Variants in KDM4C observed in about 807,000 individuals in gnomAD.
KDM4C encodes the protein lysine-specific demethylase 4C.
A neutral mutation model predicts 129.3 loss-of-function variants in KDM4C; 81 were observed. The observed-to-expected ratio is 0.63, with a 90% CI of 0.52 to 0.75. The LOEUF is 0.75. KDM4C is among the 30% of genes least tolerant of loss of function. KDM4C has a pLI of 0.00. For synonymous variants in KDM4C, 573 were observed against 456.1 expected, an observed-to-expected ratio of 1.26 and a Z score of -3.26; for missense variants, 1,457 against 1,304.0, an observed-to-expected ratio of 1.12 and a Z score of -1.81.
At chr9:6,909,517 G>T (rs933824767) in intron 8 of KDM4C, among the ~76,000 whole-genome samples, 2 of 152,084 alleles carry the variant, frequency 1.3e-5, no homozygotes, top group Non-Finnish European at 2.9e-5. Context: ...TCACCAGAAG[G>T]GTAGGTGGGT....
At chr9:6,973,161 A>G (rs1318969763) in intron 8 of KDM4C, among the ~76,000 whole-genome samples, 2 of 152,210 alleles carry the variant, frequency 1.3e-5, no homozygotes, top group African/African-American at 4.8e-5. Flanking sequence ...TTTTATTTCA[A>G]AAACATGAGT....
intron 4 of KDM4C, among the ~76,000 whole-genome samples, chr9:6,829,251 C>A (rs966461869): frequency 2.6e-5 from 4 of 152,194 alleles, no homozygotes; most frequent in African/African-American, 9.7e-5. Context: ...CAAGACTGTA[C>A]TGAGAATCCA....
chr9:6,952,843 C>T (rs1027617152), intron 8 of KDM4C, among the ~76,000 whole-genome samples: 1 of 152,154 alleles, frequency 6.6e-6, no homozygotes, highest in Non-Finnish European at 1.5e-5. Flanking sequence ...ATGTGGTTCT[C>T]TATAAGTGGT....
intron 15 of KDM4C, among the ~76,000 whole-genome samples, chr9:7,029,149 C>G (rs1018865041): frequency 5.3e-5 from 8 of 152,172 alleles, no homozygotes; most frequent in African/African-American, 1.7e-4. Flanking sequence ...CCTCTCATTA[C>G]TTTTGACTTA....
At chr9:6,958,687 AT>A (rs377187050) in intron 8 of KDM4C, among the ~76,000 whole-genome samples, 69 of 136,306 alleles carry the variant, frequency 5.1e-4, no homozygotes, top group Non-Finnish European at 6.6e-4. Flanking sequence ...TCTTTATATG[AT>A]TTTTTTTTTT....
At chr9:6,952,550 C>G (rs915234767) in intron 8 of KDM4C, among the ~76,000 whole-genome samples, 92 of 151,980 alleles carry the variant, frequency 6.1e-4, no homozygotes, top group African/African-American at 2.1e-3. Context: ...AAGTTATTCT[C>G]CTGCCTCAGG....
At chr9:7,107,209 G>A (rs1837793024) in intron 18 of KDM4C, among the ~76,000 whole-genome samples, 1 of 152,206 alleles carries the variant, frequency 6.6e-6, no homozygotes, top group Non-Finnish European at 1.5e-5. Flanking sequence ...GTTTCTGGCT[G>A]TATTTCCAAA....
intron 5 of KDM4C, among the ~76,000 whole-genome samples, chr9:6,851,595 A>G (rs1013406783): frequency 6.6e-6 from 1 of 152,200 alleles, no homozygotes; most frequent in African/African-American, 2.4e-5. Context: ...AAGAAATCTG[A>G]AAAGTTAGTA....
At chr9:6,953,653 A>T (rs1356954494) in intron 8 of KDM4C, among the ~76,000 whole-genome samples, 1 of 152,204 alleles carries the variant, frequency 6.6e-6, no homozygotes, top group African/African-American at 2.4e-5. Flanking sequence ...TTACCAATTC[A>T]TGTGGACCTT....
At chr9:6,995,605 T>C (rs920800402) in intron 12 of KDM4C, among the ~76,000 whole-genome samples, 1 of 152,208 alleles carries the variant, frequency 6.6e-6, no homozygotes, top group Non-Finnish European at 1.5e-5. Context: ...TTTGTTTACA[T>C]TGGAAATATT....
intron 1 of KDM4C, among the ~76,000 whole-genome samples, chr9:6,780,269 T>C (rs941668497): frequency 6.9e-6 from 1 of 144,620 alleles, no homozygotes; most frequent in Admixed American, 7.2e-5. Flanking sequence ...TGTTATTGTT[T>C]CTACCAAATT....
At chr9:6,932,794 G>A (rs56036039) in intron 8 of KDM4C, among the ~76,000 whole-genome samples, 38,012 of 152,006 alleles carry the variant, frequency 0.25, 5,248 homozygotes, top group South Asian at 0.39. Flanking sequence ...GGTGCCAATG[G>A]CATCAGCGGC....
At chr9:7,081,886 A>C (rs7863122) in intron 17 of KDM4C, among the ~76,000 whole-genome samples, 1 of 151,894 alleles carries the variant, frequency 6.6e-6, no homozygotes, top group East Asian at 1.9e-4. Flanking sequence ...TGAACATTAT[A>C]TATCTCTTGT....
At chr9:6,969,634 C>A (rs702279) in intron 8 of KDM4C, among the ~76,000 whole-genome samples, 40,750 of 152,098 alleles carry the variant, frequency 0.27, 5,787 homozygotes, top group South Asian at 0.4. Context: ...TGCTGACTAT[C>A]AAATCATTTT....
chr9:6,730,251 A>G (rs1036384440), intron 1 of KDM4C, among the ~76,000 whole-genome samples: 3 of 152,336 alleles, frequency 2.0e-5, no homozygotes, highest in Middle Eastern at 6.8e-3. Flanking sequence ...ACCTGATTCT[A>G]AGCTGAAACT....
chr9:6,969,164 G>C (rs565522514), intron 8 of KDM4C, among the ~76,000 whole-genome samples: 1 of 152,292 alleles, frequency 6.6e-6, no homozygotes, highest in South Asian at 2.1e-4. Context: ...TCGAACTCCT[G>C]ACCTCAAGTG....
intron 20 of KDM4C, among the ~76,000 whole-genome samples, chr9:7,167,852 G>C (rs1278653641): frequency 6.6e-6 from 1 of 152,180 alleles, no homozygotes; most frequent in African/African-American, 2.4e-5. Context: ...TTAGTGCAAA[G>C]TGCAGCGATA....
At chr9:7,103,606 A>G in intron 17 of KDM4C, 79 bp from the exon 18 acceptor site, 2 of 810,176 alleles carry the variant, frequency 2.5e-6, no homozygotes, top group Non-Finnish European at 3.8e-6. Context: ...CTTCTCTAGT[A>G]GCTATTGTTC....
chr9:6,902,246 A>G (rs1817537723), intron 8 of KDM4C, among the ~76,000 whole-genome samples: 1 of 152,214 alleles, frequency 6.6e-6, no homozygotes. Flanking sequence ...CACATATAGA[A>G]TTGTGCCCAC....
Sources: gnomAD v4.1 joint callset for allele counts (sites outside exome capture counted in the v4.1 genomes callset) on GRCh38, gnomAD v4.1.1 for gene constraint, MANE v1.5 for transcripts, NCBI Gene and HGNC (gene_info 2026-07-23, HGNC 2026-07-21) for gene names.